FOSL2: variants seen among roughly 807,000 people sequenced by gnomAD.
FOSL2 encodes the protein fos-related antigen 2.
FOSL2 carries 3 observed loss-of-function variants against 27.7 expected under a neutral mutation model. That is an observed-to-expected ratio of 0.11 (90% CI 0.05 to 0.28). The LOEUF is 0.28. FOSL2 is among the 10% of genes least tolerant of loss of function. The pLI is 1.00. For missense variants in FOSL2, 333 were observed against 445.1 expected, an observed-to-expected ratio of 0.75 and a Z score of 2.27; for synonymous variants, 179 against 190.1, an observed-to-expected ratio of 0.94 and a Z score of 0.48.
At chr2:28,402,579 T>C (rs888849251) in intron 1 of FOSL2, among the ~76,000 whole-genome samples, 3 of 152,226 alleles carry the variant, frequency 2.0e-5, no homozygotes, top group East Asian at 1.9e-4. Context: ...TAGGGAGGGT[T>C]CTACAGCATC....
chr2:28,394,364 T>A (rs1024047529), intron 1 of FOSL2, among the ~76,000 whole-genome samples: 2 of 152,174 alleles, frequency 1.3e-5, no homozygotes, highest in African/African-American at 4.8e-5. Context: ...GGGCGAGGGC[T>A]GCCGCTCTGG....
At position 28,413,727 on chromosome 2, in the gene FOSL2, C is replaced by G; in HGVS notation, c.*1279C>G. 2.5e-6 allele frequency: 1 copy of G among 399,118 alleles called. No individual in the cohort carries two copies. The highest frequency in any genetic ancestry group is 4.4e-6 in the Non-Finnish European group (1 of 226,416). The allele number at this position is 399,118 out of a possible 1,614,324, so 24.7% of individuals were successfully genotyped here. A position where few individuals can be genotyped will look rare whatever the true frequency, so the allele number is the denominator to read the frequency against. On this transcript the variant is annotated 3_prime_UTR_variant, in exon 4 of 4. Transcript: ENST00000264716. Reference sequence around the variant, plus strand: ...TGCCACCTGCTGGATCAAGTGCTTTCTCTTTTACACTCCCCTGTCCCCACC... The same window carrying G: ...TGCCACCTGCTGGATCAAGTGCTTTGTCTTTTACACTCCCCTGTCCCCACC...
rs1405918242 is a variant in FOSL2 at position 28,413,545 on chromosome 2, A to G, written c.*1097A>G. On this transcript the variant is annotated 3_prime_UTR_variant, in exon 4 of 4. Transcript: ENST00000264716. ...CAGGCAGCCCCTCCCCAAGCCTCAA[A>G]GAAGCATTTGCTGAGGATGGAGAGG... 5.0e-6 allele frequency: 2 copies of G among 398,606 alleles called. No individual in the cohort carries two copies. Among genetic ancestry groups the G allele is most frequent in the African/African-American group, 2.1e-5 (1 of 48,638 alleles). The allele number at this position is 398,606 out of a possible 1,614,324, so 24.7% of individuals were successfully genotyped here.
In FOSL2 at chr2:28,393,496, C is replaced by T; in HGVS notation, c.-225C>T. 1 of 505,724 alleles carries T rather than the reference C, an allele frequency of 2.0e-6. No homozygotes were observed. Among genetic ancestry groups the T allele is most frequent in the Non-Finnish European group, 3.5e-6 (1 of 284,598 alleles). 31.3% of individuals were successfully genotyped at this position (505,724 alleles called of 1,614,324 possible). A position where few individuals can be genotyped will look rare whatever the true frequency, so the allele number is the denominator to read the frequency against. On this transcript the variant is annotated 5_prime_UTR_variant, in exon 1 of 4. Coordinates refer to ENST00000264716, the MANE Select transcript of FOSL2 (RefSeq NM_005253.4). The surrounding 1 kb of genome is among the most constrained non-coding windows in gnomAD (Gnocchi z 4.6). The stretch of plus-strand genomic sequence containing the variant: ...TGGACAACTGGTCCCGCGGCGCTCG[C>T]AGAGCCGGAAAGAAGTGCTGTAAGG...
At position 28,408,550 on chromosome 2, in the gene FOSL2, A is replaced by G. The variant is rs1329748457; in HGVS notation, c.355-209A>G. On this transcript the variant is annotated intron_variant, in intron 2 of 3. Transcript: ENST00000264716. This position sits in a 1 kb window ranked among gnomAD's most constrained non-coding sequence, Gnocchi z 4.1. The stretch of plus-strand genomic sequence containing the variant: ...AAACTTGGACATCACCTTCCGGGGC[A>G]GATTCAGCTCAAAAGAGCCCTCCCA... 6.6e-6 allele frequency among the ~76,000 whole-genome samples: 1 copy of G among 152,228 alleles called. No individual in the cohort carries two copies. The highest frequency in any genetic ancestry group is 2.4e-5 in the African/African-American group (1 of 41,466).
intron 1 of FOSL2, among the ~76,000 whole-genome samples, chr2:28,403,786 G>C (rs1463462074): frequency 6.6e-6 from 1 of 152,180 alleles, no homozygotes; most frequent in Non-Finnish European, 1.5e-5. Context: ...AGGGCCTGCC[G>C]AGTGTGAGTG....
intron 1 of FOSL2, among the ~76,000 whole-genome samples, chr2:28,394,905 C>G (rs1373798196): frequency 1.3e-5 from 2 of 152,200 alleles, no homozygotes; most frequent in South Asian, 2.1e-4. Context: ...AGGCGGTGGC[C>G]TTGGCCTCTA....
chr2:28,409,952 G>C (rs1664156881), intron 3 of FOSL2, among the ~76,000 whole-genome samples: 1 of 152,170 alleles, frequency 6.6e-6, no homozygotes, highest in Admixed American at 6.5e-5. Context: ...TGTTGGCTAG[G>C]CTGGTCTCGA....
chr2:28,399,666 C>T (rs1195983083), intron 1 of FOSL2, among the ~76,000 whole-genome samples: 5 of 152,270 alleles, frequency 3.3e-5, no homozygotes, highest in East Asian at 1.9e-4. Flanking sequence ...AGCCCGTCTC[C>T]TCGGCTACCT....
At chr2:28,410,855 A>G (rs1450554949) in intron 3 of FOSL2, among the ~76,000 whole-genome samples, 1 of 152,218 alleles carries the variant, frequency 6.6e-6, no homozygotes, top group African/African-American at 2.4e-5. Context: ...TGCTTAAGAA[A>G]TTGGAGCAAA....
chr2:28,404,457 G>A lies in FOSL2; in HGVS notation c.354+99G>A. On this transcript the variant is annotated intron_variant, in intron 2 of 3. Transcript: ENST00000264716. This position sits in a 1 kb window ranked among gnomAD's most constrained non-coding sequence, Gnocchi z 4.7. The stretch of plus-strand genomic sequence containing the variant: ...CAGACTGGGAGGGTTAATGTTCTGA[G>A]AGCAGGGGAGACAAGGGAGCTAGGG... 2.1e-6 allele frequency: 3 copies of A among 1,423,126 alleles called. No homozygotes were observed. The highest frequency in any genetic ancestry group is 2.9e-6 in the Non-Finnish European group (3 of 1,049,764). 88.2% of individuals were successfully genotyped at this position (1,423,126 alleles called of 1,614,324 possible). A position where few individuals can be genotyped will look rare whatever the true frequency, so the allele number is the denominator to read the frequency against.
At chr2:28,401,457 C>G (rs749545746) in intron 1 of FOSL2, among the ~76,000 whole-genome samples, 1 of 152,154 alleles carries the variant, frequency 6.6e-6, no homozygotes, top group Non-Finnish European at 1.5e-5. Flanking sequence ...GAGTATTCCC[C>G]TTTACATCCA....
At chr2:28,410,591 T>G (rs992274001) in intron 3 of FOSL2, 2 of 954,862 alleles carry the variant, frequency 2.1e-6, no homozygotes, top group African/African-American at 3.5e-5. Flanking sequence ...TCCTCACTGA[T>G]GAACAGGAAT....
At chr2:28,397,344 G>A (rs1312443325) in intron 1 of FOSL2, among the ~76,000 whole-genome samples, 1 of 151,944 alleles carries the variant, frequency 6.6e-6, no homozygotes, top group Non-Finnish European at 1.5e-5. Context: ...ATTAGGAGGG[G>A]GCTTGTTCAG....
intron 1 of FOSL2, among the ~76,000 whole-genome samples, chr2:28,394,108 C>T (rs1379252609): frequency 6.7e-6 from 1 of 148,734 alleles, no homozygotes. Context: ...TTACCTCCTT[C>T]CAAGAACTAC....
Position 28,392,917 on chromosome 2 carries a change from G to T in FOSL2, c.-804G>T. 4.2e-6 allele frequency: 3 copies of T among 713,342 alleles called. No homozygotes were observed. The highest frequency in any genetic ancestry group is 3.0e-5 in the South Asian group (2 of 67,374). The allele number at this position is 713,342 out of a possible 1,614,324, so 44.2% of individuals were successfully genotyped here. On this transcript the variant is annotated 5_prime_UTR_variant, in exon 1 of 4. Coordinates refer to ENST00000264716, the MANE Select transcript of FOSL2 (RefSeq NM_005253.4). ...CGAGCGAACCAGCGAGCGAGCGAAC[G>T]AGCGGCGCTCGGCGGGGACAGAAAG...
At chr2:28,406,042 C>CT (rs1491299985) in intron 2 of FOSL2, among the ~76,000 whole-genome samples, 33 of 148,412 alleles carry the variant, frequency 2.2e-4, no homozygotes, top group African/African-American at 8.2e-4. Flanking sequence ...GCTCTCCATT[C>CT]CCTTTTTTTT....
chr2:28,400,134 G>T (rs1007159127), intron 1 of FOSL2, among the ~76,000 whole-genome samples: 2 of 152,122 alleles, frequency 1.3e-5, no homozygotes, highest in African/African-American at 4.8e-5. Flanking sequence ...GGACATGTTG[G>T]CTACAGAGCC....
In FOSL2 at chr2:28,393,934, G is replaced by A. The variant is rs892888484; in HGVS notation, c.102+112G>A. The A allele has an allele frequency of 3.9e-6, 3 of 767,234 alleles. No individual in the cohort carries two copies. The East Asian group carries it at 8.8e-5, about 22-fold the overall frequency. 47.5% of individuals were successfully genotyped at this position (767,234 alleles called of 1,614,324 possible). ...TTTCTTGGCGAGAAAATACCTACGG[G>A]CCACCGTTGTAAGTTCTGGATTTTC... On this transcript the variant is annotated intron_variant, in intron 1 of 3. Coordinates refer to ENST00000264716, the MANE Select transcript of FOSL2 (RefSeq NM_005253.4). This position sits in a 1 kb window ranked among gnomAD's most constrained non-coding sequence, Gnocchi z 4.6.
Sources: allele counts gnomAD v4.1 joint callset (sites outside exome capture counted in the v4.1 genomes callset), GRCh38; gene constraint gnomAD v4.1.1; non-coding constraint Gnocchi (gnomAD v3.1); transcripts MANE v1.5; gene names NCBI Gene and HGNC (gene_info 2026-07-23, HGNC 2026-07-21).